Variants in ABCG2 observed in about 807,000 individuals in gnomAD.
ABCG2 encodes the protein broad substrate specificity ATP-binding cassette transporter ABCG2.
A neutral mutation model predicts 73.5 loss-of-function variants in ABCG2; 80 were observed. The ratio of observed to expected loss-of-function variants is 1.09; its 90% CI spans 0.91 to 1.31. ABCG2 has a LOEUF of 1.31. Among genes scored for constraint, ABCG2 ranks in the 50% most tolerant of loss-of-function variants. ABCG2 has a pLI of 0.00. For missense variants in ABCG2, 796 were observed against 786.2 expected (o/e 1.01, Z -0.15); for synonymous variants, 269 against 282.4 (o/e 0.95, Z 0.48).
At chr4:88,224,626 G>C (rs752588009) in intron 1 of ABCG2, among the ~76,000 whole-genome samples, 1 of 151,946 alleles carries the variant, frequency 6.6e-6, no homozygotes, top group South Asian at 2.1e-4. Flanking sequence ...AGAATAGCTG[G>C]GACTATAGGT....
rs779645791 is a variant in ABCG2, at chr4:88,121,764, G to C, written c.560C>G (p.Ser187Cys). The stretch of plus-strand genomic sequence containing the variant: ...ACTAGTCCTTTTTCTTTCTCCTCCA[G>C]ACACACCACGGATAAACTGAGTTCC... ...KVGTQFIRGV[S>C]GGERKRTSIG... Residue 187 changes from serine (S) to cysteine (C), a missense_variant, in exon 6 of 16, where the codon TCT becomes TGT. Coordinates refer to ENST00000237612, the MANE Select transcript of ABCG2 (RefSeq NM_004827.3). 6.2e-7 allele frequency: 1 copy of C among 1,613,498 alleles called. No individual in the cohort carries two copies. The highest frequency in any genetic ancestry group is 1.1e-5 in the South Asian group (1 of 90,922).
chr4:88,165,123 C>T (rs1727464089), intron 1 of ABCG2, among the ~76,000 whole-genome samples: 1 of 151,954 alleles, frequency 6.6e-6, no homozygotes, highest in East Asian at 1.9e-4. Context: ...AATATCTGGC[C>T]CATAACTATA....
At chr4:88,154,482 G>T (rs1035275190) in intron 1 of ABCG2, among the ~76,000 whole-genome samples, 1 of 152,180 alleles carries the variant, frequency 6.6e-6, no homozygotes, top group South Asian at 2.1e-4. Context: ...GGTAGTGGAG[G>T]GGGGCAGAGT....
At chr4:88,205,355 A>G (rs1729333856) in intron 1 of ABCG2, among the ~76,000 whole-genome samples, 2 of 152,230 alleles carry the variant, frequency 1.3e-5, no homozygotes, top group Non-Finnish European at 2.9e-5. Context: ...ATGTGTTCCA[A>G]TTATGTTTTG....
rs1728088887 is a variant in ABCG2 at position 88,178,275 on chromosome 4, C to T, written c.-19-38261G>A. On this transcript the variant is annotated intron_variant, in intron 1 of 15. Transcript: ENST00000515655. ...GGGAACCAGTCAGAGTTGTGAGGCC[C>T]TAGCTCTTGGATAGCATTTCTAGAA... Among the ~76,000 whole-genome samples, 3 of 152,138 alleles carry T rather than the reference C, an allele frequency of 2.0e-5. 1 individual carries two copies. The South Asian group carries it at 6.2e-4, about 32-fold the overall frequency.
chr4:88,095,096 CAGAT>C (rs1721900500), intron 14 of ABCG2, among the ~76,000 whole-genome samples: 1 of 152,292 alleles, frequency 6.6e-6, no homozygotes, highest in Non-Finnish European at 1.5e-5. Flanking sequence ...TATTAAGACA[CAGAT>C]AGTTTACTTT....
At chr4:88,227,947 AC>A (rs750926591) in intron 1 of ABCG2, among the ~76,000 whole-genome samples, 51 of 152,180 alleles carry the variant, frequency 3.4e-4, no homozygotes, top group Non-Finnish European at 4.4e-4. Context: ...ATCCCAGCAC[AC>A]CCACAGACCA....
Position 88,090,318 on chromosome 4 carries a change from G to C in ABCG2, c.*1916C>G, listed in dbSNP as rs1721570169. On this transcript the variant is annotated 3_prime_UTR_variant, in exon 16 of 16. Coordinates refer to ENST00000237612, the MANE Select transcript of ABCG2 (RefSeq NM_004827.3). Reference sequence around the variant, plus strand: ...AAAAGTTAATAATTGTGGCTGTTTTGTTTCTTTTGAAGTATATTTTGTGTA... The same window carrying C: ...AAAAGTTAATAATTGTGGCTGTTTTCTTTCTTTTGAAGTATATTTTGTGTA... The C allele has an allele frequency of 6.6e-6, 1 of 151,828 alleles. No homozygotes were observed. The highest frequency in any genetic ancestry group is 2.4e-5 in the African/African-American group (1 of 41,312). 9.4% of individuals were successfully genotyped at this position (151,828 alleles called of 1,614,324 possible). A position where few individuals can be genotyped will look rare whatever the true frequency, so the allele number is the denominator to read the frequency against.
At chr4:88,113,936 C>G (rs954783337) in intron 8 of ABCG2, among the ~76,000 whole-genome samples, 5 of 151,920 alleles carry the variant, frequency 3.3e-5, no homozygotes, top group Non-Finnish European at 5.9e-5. Flanking sequence ...TGCACTCCAG[C>G]CTGTGCAAGA....
intron 15 of ABCG2, 26 bp from the exon 16 acceptor site, chr4:88,092,407 A>G: frequency 6.3e-7 from 1 of 1,599,898 alleles, no homozygotes; most frequent in East Asian, 2.2e-5. Context: ...AAAAGAATAT[A>G]ACTTCATTCC....
chr4:88,114,978 T>G lies in ABCG2; in HGVS notation c.922A>C (p.Asn308His), dbSNP rs750050567. 2.5e-6 allele frequency: 4 copies of G among 1,611,922 alleles called. No homozygotes were observed. The African/African-American group carries it at 5.3e-5, about 22-fold the overall frequency. ...ATACCTTTAAAGTCTTCTTCTCTGTTTAATGCCACAGCAGTGGAATCTCCA... is the reference window on the plus strand; with the variant it reads ...ATACCTTTAAAGTCTTCTTCTCTGTGTAATGCCACAGCAGTGGAATCTCCA... ...INGDSTAVAL[N>H]REEDFKATEI... Residue 308 changes from asparagine (N) to histidine (H), a missense_variant, in exon 8 of 16, where the codon AAC becomes CAC. By Grantham distance (68) the Asn-to-His change is moderately conservative. Coordinates refer to ENST00000237612, the MANE Select transcript of ABCG2 (RefSeq NM_004827.3).
At position 88,172,430 on chromosome 4, in the gene ABCG2, G is replaced by T. The variant is rs1243682358; in HGVS notation, c.-19-32416C>A. Among the ~76,000 whole-genome samples the T allele has an allele frequency of 3.3e-5, 5 of 151,244 alleles. No homozygotes were observed. The East Asian group carries it at 7.8e-4, about 24-fold the overall frequency. ...CCGTCTCTACTAAAAATACAAAAAT[G>T]AACCAGGCACAGTGGCACCCGCCTG... On this transcript the variant is annotated intron_variant, in intron 1 of 15. Coordinates refer to the ABCG2 transcript ENST00000515655.
At chr4:88,159,237 A>T, upstream of ABCG2, 1 of 455,906 alleles carries the variant, frequency 2.2e-6, no homozygotes, top group Non-Finnish European at 4.4e-6. Flanking sequence ...GGTCGCCGTC[A>T]CTGGCCGGAG....
rs187188901 is a variant in ABCG2, at chr4:88,113,499, G to A, written c.998C>T (p.Ala333Val). 22 of 1,613,964 alleles carry A rather than the reference G, an allele frequency of 1.4e-5. No homozygotes were observed. In the African/African-American group the frequency reaches 2.1e-4, roughly 16 times the overall value. Residue 333 changes from alanine to valine, a missense_variant, in exon 9 of 16, where the codon GCG becomes GTG. Ala to Val is a moderately conservative substitution (Grantham distance 64, BLOSUM62 0). Coordinates refer to ENST00000237612, the MANE Select transcript of ABCG2 (RefSeq NM_004827.3). Reference protein sequence around the residue: ...KQDKPLIEKLAEIYVNSSFYK... With the variant: ...KQDKPLIEKLVEIYVNSSFYK... ...GAAGGAGGAGTTGACATAAATCTCC[G>A]CTAATTTTTCTATGAGTGGCTTATC... is the stretch of plus-strand genomic sequence containing the variant.
intron 1 of ABCG2, among the ~76,000 whole-genome samples, chr4:88,197,601 A>C (rs1728985498): frequency 6.6e-6 from 1 of 152,092 alleles, no homozygotes; most frequent in South Asian, 2.1e-4. Context: ...TGAGCAACAA[A>C]GTAAGACCCT....
At chr4:88,098,525 T>C (rs1366941690) in intron 12 of ABCG2, among the ~76,000 whole-genome samples, 1 of 150,972 alleles carries the variant, frequency 6.6e-6, no homozygotes, top group African/African-American at 2.4e-5. Context: ...ATTAAATAAA[T>C]ACATATATAT....
At chr4:88,107,089 A>G in intron 10 of ABCG2, 95 bp downstream of exon 10, 2 of 913,100 alleles carry the variant, frequency 2.2e-6, no homozygotes, top group Middle Eastern at 2.2e-4. Context: ...TGACATTTAC[A>G]CTATACTTGT....
intron 2 of ABCG2, among the ~76,000 whole-genome samples, chr4:88,138,334 C>T (rs567105253): frequency 6.6e-6 from 1 of 152,176 alleles, no homozygotes; most frequent in Admixed American, 6.5e-5. Flanking sequence ...GACAAACAAG[C>T]ATAAGAGAAA....
chr4:88,228,072 A>T (rs1230128124), intron 1 of ABCG2, among the ~76,000 whole-genome samples: 1 of 152,220 alleles, frequency 6.6e-6, no homozygotes, highest in African/African-American at 2.4e-5. Context: ...AATCAAGGGG[A>T]TAATGTATGG....
Sources: gnomAD v4.1 joint callset for allele counts (sites outside exome capture counted in the v4.1 genomes callset) on GRCh38, gnomAD v4.1.1 for gene constraint, MANE v1.5 for transcripts, NCBI Gene and HGNC (gene_info 2026-07-23, HGNC 2026-07-21) for gene names.